Variants in RARG observed in about 807,000 individuals in gnomAD.
RARG encodes the protein retinoic acid receptor gamma.
RARG carries 17 observed loss-of-function variants against 43.7 expected under a neutral mutation model. That is an observed-to-expected ratio of 0.39 (90% confidence interval 0.27 to 0.58). RARG has a LOEUF of 0.58. Ranked by LOEUF, RARG falls within the 20% of genes least tolerant of loss-of-function variation. RARG has a pLI of 0.57. For missense variants in RARG, 346 were observed against 598.7 expected (o/e 0.58, Z 4.40); for synonymous variants, 238 against 236.4 (o/e 1.01, Z -0.06).
Position 53,213,415 on chromosome 12 carries a change from G to A in RARG, c.1018+81C>T, listed in dbSNP as rs759349699. 60 of 1,533,460 alleles carry A rather than the reference G, an allele frequency of 3.9e-5. No homozygotes were observed. Among genetic ancestry groups the A allele is most frequent in the Non-Finnish European group, 5.1e-5 (57 of 1,117,960 alleles). The allele number at this position is 1,533,460 out of a possible 1,614,324, so 95.0% of individuals were successfully genotyped here. ...CAGAAGAGACCACTGGGTCCTCCAC[G>A]CCCCCTCCCAGACAGATTCCGCATG... is the stretch of plus-strand genomic sequence containing the variant. On this transcript the variant is annotated intron_variant, in intron 8 of 9. Coordinates refer to ENST00000425354, the MANE Select transcript of RARG (RefSeq NM_000966.6). The surrounding 1 kb of genome is among the most constrained non-coding windows in gnomAD (Gnocchi z 4.7).
chr12:53,224,332 A>G (rs1419514793), intron 3 of RARG, among the ~76,000 whole-genome samples: 2 of 151,396 alleles, frequency 1.3e-5, no homozygotes, highest in African/African-American at 4.9e-5. Context: ...CAGCAATAAG[A>G]TCCAAGAGCC....
intron 3 of RARG, among the ~76,000 whole-genome samples, chr12:53,219,302 ACT>A (rs1942878226): frequency 6.6e-6 from 1 of 152,028 alleles, no homozygotes; most frequent in Non-Finnish European, 1.5e-5. Context: ...GGCGTACAAA[ACT>A]CAGCCTTCTC....
intron 3 of RARG, among the ~76,000 whole-genome samples, chr12:53,226,403 C>T (rs1304243410): frequency 6.6e-6 from 1 of 152,188 alleles, no homozygotes; most frequent in East Asian, 1.9e-4. Flanking sequence ...TCTCAGCTCA[C>T]CGCAACCTCT....
intron 2 of RARG, chr12:53,230,175 C>T (rs935053768): frequency 6.3e-6 from 1 of 159,402 alleles, no homozygotes; most frequent in African/African-American, 2.4e-5. Context: ...CTTTGGGGGA[C>T]TCATGGAAAG....
At chr12:53,218,231 C>A (rs147650558) in intron 3 of RARG, among the ~76,000 whole-genome samples, 8 of 152,278 alleles carry the variant, frequency 5.3e-5, no homozygotes, top group African/African-American at 1.9e-4. Flanking sequence ...CCTCCACCCC[C>A]CAAGCACCCT....
In RARG at chr12:53,213,706, G is replaced by C; in HGVS notation, c.814-6C>G. 1 of 1,607,314 alleles carries C rather than the reference G, an allele frequency of 6.2e-7. No individual in the cohort carries two copies. Among genetic ancestry groups the C allele is most frequent in the Non-Finnish European group, 8.5e-7 (1 of 1,174,232 alleles). Reference sequence around the variant, plus strand: ...CTTGTGCAGATACGCAGCATCTGGAGGTGGGGGGTGGAGGAGGGTTAGTGC... The same window carrying C: ...CTTGTGCAGATACGCAGCATCTGGACGTGGGGGGTGGAGGAGGGTTAGTGC... On this transcript the variant is annotated splice_region_variant and splice_polypyrimidine_tract_variant and intron_variant, in intron 7 of 9. Transcript: ENST00000425354. This position sits in a 1 kb window ranked among gnomAD's most constrained non-coding sequence, Gnocchi z 4.7.
chr12:53,227,904 G>A lies in RARG; in HGVS notation c.-142-217C>T, dbSNP rs1220044168. 6.6e-6 allele frequency among the ~76,000 whole-genome samples: 1 copy of A among 152,188 alleles called. No individual in the cohort carries two copies. Among genetic ancestry groups the A allele is most frequent in the East Asian group, 1.9e-4 (1 of 5,198 alleles). The stretch of plus-strand genomic sequence containing the variant: ...GGAGCTCCAGGAAAGGTTAAACTGA[G>A]GTCCCAAGGTGAATGATGGTCTAAG... On this transcript the variant is annotated intron_variant, in intron 2 of 9. Transcript: ENST00000425354. This position sits in a 1 kb window ranked among gnomAD's most constrained non-coding sequence, Gnocchi z 4.3.
At position 53,227,555 on chromosome 12, in the gene RARG, G is replaced by C; in HGVS notation, c.-10C>G. The stretch of plus-strand genomic sequence containing the variant: ...CCTTATTGGTGGCCATGGCAGCTGC[G>C]GTGTGAGAGTCCCCTGGGGTCTGCA... On this transcript the variant is annotated 5_prime_UTR_variant, in exon 3 of 10. Coordinates refer to ENST00000425354, the MANE Select transcript of RARG (RefSeq NM_000966.6). This position sits in a 1 kb window ranked among gnomAD's most constrained non-coding sequence, Gnocchi z 4.3. 1 of 1,557,284 alleles carries C rather than the reference G, an allele frequency of 6.4e-7. No individual in the cohort carries two copies. Among genetic ancestry groups the C allele is most frequent in the Non-Finnish European group, 8.7e-7 (1 of 1,151,824 alleles).
intron 2 of RARG, among the ~76,000 whole-genome samples, chr12:53,228,820 C>G (rs1170653273): frequency 6.6e-6 from 1 of 152,166 alleles, no homozygotes; most frequent in Non-Finnish European, 1.5e-5. Flanking sequence ...ATGATCCGCC[C>G]ACCTTGGCCT....
intron 3 of RARG, among the ~76,000 whole-genome samples, chr12:53,223,503 C>T (rs1049075302): frequency 5.3e-5 from 8 of 149,536 alleles, no homozygotes; most frequent in African/African-American, 9.8e-5. Context: ...CTGGCGGCGG[C>T]GGCTTGCCCG....
intron 3 of RARG, among the ~76,000 whole-genome samples, chr12:53,221,787 G>C (rs1415941965): frequency 6.7e-6 from 1 of 149,436 alleles, no homozygotes; most frequent in Non-Finnish European, 1.5e-5. Context: ...CTGCCCAGCC[G>C]GCTCTGTCAG....
In RARG at chr12:53,215,845, C is replaced by T. The variant is rs1489205304; in HGVS notation, c.185-51G>A. 2 of 1,521,010 alleles carry T rather than the reference C, an allele frequency of 1.3e-6. No individual in the cohort carries two copies. The allele number at this position is 1,521,010 out of a possible 1,614,324, so 94.2% of individuals were successfully genotyped here. On this transcript the variant is annotated intron_variant, in intron 3 of 9. Coordinates refer to ENST00000425354, the MANE Select transcript of RARG (RefSeq NM_000966.6). This position sits in a 1 kb window ranked among gnomAD's most constrained non-coding sequence, Gnocchi z 6.4. ...GTCAGGGGAGAAGGACCCCACAGAC[C>T]TCCAGGCTTCCTCATCACACACACC... is the stretch of plus-strand genomic sequence containing the variant.
chr12:53,211,725 T>C lies in RARG; in HGVS notation c.1316A>G (p.Asp439Gly). ...PGPHPNASSEDEVPGGQGKGG... is the reference protein window; with the variant it reads ...PGPHPNASSEGEVPGGQGKGG... ...TTTGCCCTGGCCCCCAGGAACCTCA[T>C]CCTCGCTAGAGGCATTGGGGTGGGG... Residue 439 changes from aspartate (D) to glycine (G), a missense_variant, in exon 10 of 10, where the codon GAT becomes GGT. Coordinates refer to ENST00000425354, the MANE Select transcript of RARG (RefSeq NM_000966.6). This position sits in a 1 kb window ranked among gnomAD's most constrained non-coding sequence, Gnocchi z 4.6. 1 of 1,564,440 alleles carries C rather than the reference T, an allele frequency of 6.4e-7. No homozygotes were observed. Among genetic ancestry groups the C allele is most frequent in the Non-Finnish European group, 8.6e-7 (1 of 1,156,316 alleles).
intron 3 of RARG, chr12:53,219,951 T>A: frequency 6.6e-7 from 1 of 1,515,782 alleles, no homozygotes; most frequent in Non-Finnish European, 8.9e-7. Context: ...GGTACCTACA[T>A]TGCAGGCTGG....
In RARG at chr12:53,213,951, A is replaced by G. The variant is rs973091355; in HGVS notation, c.813+108T>C. ...CGAAAAGAGAGCTGAGGAGTCCCAC[A>G]TGTGTGGCAGGGGGTGCAGGGTAAG... On this transcript the variant is annotated intron_variant, in intron 7 of 9. Transcript: ENST00000425354. This position sits in a 1 kb window ranked among gnomAD's most constrained non-coding sequence, Gnocchi z 4.7. 7.6e-7 allele frequency: 1 copy of G among 1,322,588 alleles called. No homozygotes were observed. The highest frequency in any genetic ancestry group is 1.0e-6 in the Non-Finnish European group (1 of 952,416). The allele number at this position is 1,322,588 out of a possible 1,614,324, so 81.9% of individuals were successfully genotyped here. A position where few individuals can be genotyped will look rare whatever the true frequency, so the allele number is the denominator to read the frequency against.
In RARG at chr12:53,227,826, G is replaced by A. The variant is rs780371678; in HGVS notation, c.-142-139C>T. Reference sequence around the variant, plus strand: ...TGCCCTGGCTCAGGGCCCTTGCAGTGTGGTAGAGAGGGCACGGCAGGGGGT... The same window carrying A: ...TGCCCTGGCTCAGGGCCCTTGCAGTATGGTAGAGAGGGCACGGCAGGGGGT... On this transcript the variant is annotated intron_variant, in intron 2 of 9. Coordinates refer to ENST00000425354, the MANE Select transcript of RARG (RefSeq NM_000966.6). The surrounding 1 kb of genome is among the most constrained non-coding windows in gnomAD (Gnocchi z 4.3). 2 of 567,472 alleles carry A rather than the reference G, an allele frequency of 3.5e-6. No individual in the cohort carries two copies. Among genetic ancestry groups the A allele is most frequent in the Non-Finnish European group, 2.5e-6 (1 of 395,008 alleles). 35.2% of individuals were successfully genotyped at this position (567,472 alleles called of 1,614,324 possible).
In RARG at chr12:53,213,184, C is replaced by A; in HGVS notation, c.1078G>T (p.Ala360Ser). The change falls in exon 9 of 10, where the codon GCC becomes TCC. Residue 360 changes from alanine (A) to serine (S), a missense_variant. Coordinates refer to ENST00000425354, the MANE Select transcript of RARG (RefSeq NM_000966.6). This position sits in a 1 kb window ranked among gnomAD's most constrained non-coding sequence, Gnocchi z 4.7. ...CGGCGCCGGGCGTACAGCCTCAGGG[C>A]TTCCAGCAGTGGCTCCTGCAGCTTG... ...VDKLQEPLLEALRLYARRRRP... is the reference protein window; with the variant it reads ...VDKLQEPLLESLRLYARRRRP... 6.2e-7 allele frequency: 1 copy of A among 1,609,570 alleles called. No homozygotes were observed. The highest frequency in any genetic ancestry group is 8.5e-7 in the Non-Finnish European group (1 of 1,175,856).
At chr12:53,220,137 C>T in intron 3 of RARG, 1 of 1,550,132 alleles carries the variant, frequency 6.5e-7, no homozygotes, top group African/African-American at 1.4e-5. Context: ...GTGCTGGAAA[C>T]ACCAAGGACC....
rs139581410 is a variant in RARG at position 53,213,207 on chromosome 12, T to C, written c.1055A>G (p.Lys352Arg). 9.5e-4 allele frequency: 1,526 copies of C among 1,604,864 alleles called. No individual in the cohort carries two copies. Among genetic ancestry groups the C allele is most frequent in the Admixed American group, 1.2e-3 (72 of 59,962 alleles). ...MDLEEPEKVDKLQEPLLEALR... is the reference protein window; with the variant it reads ...MDLEEPEKVDRLQEPLLEALR... ...GGCTTCCAGCAGTGGCTCCTGCAGC[T>C]TGTCCACTTTTTCGGGCTCCTCCAG... is the stretch of plus-strand genomic sequence containing the variant. Residue 352 changes from lysine (K) to arginine (R), a missense_variant, in exon 9 of 10, where the codon AAG (lysine) becomes AGG (arginine). Coordinates refer to ENST00000425354, the MANE Select transcript of RARG (RefSeq NM_000966.6). The surrounding 1 kb of genome is among the most constrained non-coding windows in gnomAD (Gnocchi z 4.7).
Sources: gnomAD v4.1 joint callset for allele counts (sites outside exome capture counted in the v4.1 genomes callset) on GRCh38, gnomAD v4.1.1 for gene constraint, Gnocchi (gnomAD v3.1) non-coding constraint, MANE v1.5 for transcripts, NCBI Gene and HGNC (gene_info 2026-07-23, HGNC 2026-07-21) for gene names.